The following MBD5 variants were observed in gnomAD, a reference collection of about 807,000 sequenced individuals.
MBD5 encodes methyl-CpG binding domain protein 5.
In MBD5, 13 loss-of-function variants were observed where a neutral mutation model predicts 117.3. The ratio of observed to expected loss-of-function variants is 0.11; its 90% CI spans 0.07 to 0.18. The LOEUF is 0.18. Among genes scored for constraint, MBD5 ranks in the 10% least tolerant of loss-of-function variants. The probability of loss-of-function intolerance (pLI) is 1.00; values close to 1 mark genes in which losing one functional copy is unlikely to be tolerated. For synonymous variants in MBD5, 727 were observed against 766.4 expected, an observed-to-expected ratio of 0.95 and a Z score of 0.85; for missense variants, 1,879 against 2,093.8, an observed-to-expected ratio of 0.90 and a Z score of 2.00.
At chr2:148,036,649 C>T (rs947924744) in intron 1 of MBD5, among the ~76,000 whole-genome samples, 1 of 152,012 alleles carries the variant, frequency 6.6e-6, no homozygotes, top group Non-Finnish European at 1.5e-5. Flanking sequence ...TTCTCATAGT[C>T]AGTACTCTAG....
intron 1 of MBD5, among the ~76,000 whole-genome samples, chr2:148,145,816 T>G (rs1697443922): frequency 6.6e-6 from 1 of 152,180 alleles, no homozygotes; most frequent in Non-Finnish European, 1.5e-5. Context: ...TCGTGGTGGA[T>G]AAGGTTTTTG....
Position 148,228,468 on chromosome 2 carries a change from A to C in MBD5, c.-830-4777A>C, listed in dbSNP as rs1382173238. Among the ~76,000 whole-genome samples the C allele has an allele frequency of 2.6e-5, 4 of 152,124 alleles. No homozygotes were observed. In the East Asian group the frequency reaches 7.7e-4, roughly 29 times the overall value. On this transcript the variant is annotated intron_variant, in intron 2 of 13. Coordinates refer to ENST00000642680, the MANE Select transcript of MBD5 (RefSeq NM_001378120.1). ...GCATCCCAGGGATGAAGCCCACTTG[A>C]TCATGGTGGATAAGCTTTTTGATGT...
At chr2:148,261,207 A>G (rs1379686924) in intron 3 of MBD5, among the ~76,000 whole-genome samples, 1 of 152,208 alleles carries the variant, frequency 6.6e-6, no homozygotes, top group Non-Finnish European at 1.5e-5. Context: ...CACCAACTGC[A>G]TTAGCCTCTA....
At chr2:148,484,417 C>G (rs978827601) in intron 9 of MBD5, among the ~76,000 whole-genome samples, 3 of 152,130 alleles carry the variant, frequency 2.0e-5, no homozygotes, top group African/African-American at 7.2e-5. Flanking sequence ...CCCATCACCT[C>G]TTAAACCAAG....
intron 1 of MBD5, among the ~76,000 whole-genome samples, chr2:148,058,038 C>G (rs1694918675): frequency 6.6e-6 from 1 of 151,784 alleles, no homozygotes. Flanking sequence ...TGTTTTTTAC[C>G]CTGTACATTT....
intron 3 of MBD5, among the ~76,000 whole-genome samples, chr2:148,336,091 T>C (rs936483623): frequency 1.3e-5 from 2 of 152,176 alleles, no homozygotes; most frequent in African/African-American, 2.4e-5. Flanking sequence ...CTATCAGAAA[T>C]TGCAATCAGA....
intron 4 of MBD5, among the ~76,000 whole-genome samples, chr2:148,456,902 C>A (rs1706901067): frequency 6.6e-6 from 1 of 152,078 alleles, no homozygotes; most frequent in Admixed American, 6.6e-5. Context: ...ATACGATGGC[C>A]TTTACTGCAA....
chr2:148,419,179 G>T (rs576660497), intron 4 of MBD5, among the ~76,000 whole-genome samples: 1 of 152,262 alleles, frequency 6.6e-6, no homozygotes, highest in Non-Finnish European at 1.5e-5. Flanking sequence ...ATAGCAACAT[G>T]TAGAAGAATG....
At chr2:148,026,315 G>T (rs1428556149) in intron 1 of MBD5, 2 of 152,002 alleles carry the variant, frequency 1.3e-5, no homozygotes, top group Non-Finnish European at 2.9e-5. Context: ...TAAAATTATG[G>T]CCCTGATAGC....
intron 3 of MBD5, among the ~76,000 whole-genome samples, chr2:148,319,874 G>A (rs1010470739): frequency 2.0e-5 from 3 of 152,190 alleles, no homozygotes; most frequent in Non-Finnish European, 4.4e-5. Flanking sequence ...CACCAAGTAT[G>A]ATGTTGGCTC....
chr2:148,443,530 A>G (rs1238721121), intron 4 of MBD5, among the ~76,000 whole-genome samples: 3 of 151,436 alleles, frequency 2.0e-5, no homozygotes, highest in Admixed American at 6.6e-5. Flanking sequence ...AATGTAGTAT[A>G]TATACACAAT....
intron 1 of MBD5, among the ~76,000 whole-genome samples, chr2:148,078,596 T>C (rs1695565603): frequency 6.6e-6 from 1 of 152,234 alleles, no homozygotes; most frequent in South Asian, 2.1e-4. Flanking sequence ...CTCGACCACA[T>C]AGTCCCTGCA....
rs141402086 is a variant in MBD5, at chr2:148,470,961, C to T, written c.2518+500C>T. On this transcript the variant is annotated intron_variant, in intron 8 of 13. Coordinates refer to ENST00000642680, the MANE Select transcript of MBD5 (RefSeq NM_001378120.1). ...TAGGAAAAGGTAACTAGAAGTTGTA[C>T]GAAGTAGAAGGCTGTCTTCTAATGT... is the stretch of plus-strand genomic sequence containing the variant. 134 of 153,968 alleles carry T rather than the reference C, an allele frequency of 8.7e-4. 1 individual carries two copies. The highest frequency in any genetic ancestry group is 2.8e-3 in the African/African-American group (115 of 41,526). 9.5% of individuals were successfully genotyped at this position (153,968 alleles called of 1,614,324 possible). A position where few individuals can be genotyped will look rare whatever the true frequency, so the allele number is the denominator to read the frequency against.
intron 1 of MBD5, among the ~76,000 whole-genome samples, chr2:148,052,958 G>T: frequency 8.7e-6 from 1 of 115,224 alleles, no homozygotes; most frequent in Non-Finnish European, 1.8e-5. Flanking sequence ...CCAAGAGTTC[G>T]TCTCAAAAAA....
Position 148,489,388 on chromosome 2 carries a change from G to A in MBD5, c.3756G>A (p.Val1252=). The A allele has an allele frequency of 1.2e-6, 2 of 1,614,074 alleles. No homozygotes were observed. Among genetic ancestry groups the A allele is most frequent in the South Asian group, 1.1e-5 (1 of 91,054 alleles). Residue 1252 remains valine, a splice_region_variant and synonymous_variant, in exon 11 of 14, where the codon GTG becomes GTA. Coordinates refer to ENST00000642680, the MANE Select transcript of MBD5 (RefSeq NM_001378120.1). The part of the protein sequence containing the change: ...PMACLFQNFQ[V]RMQEDAALLN... ...TGCTTCCTGTCTATTTCTTCAAGGT[G>A]AGAATGCAGGAAGATGCAGCTCTCC...
intron 4 of MBD5, among the ~76,000 whole-genome samples, chr2:148,456,661 G>C (rs1485061411): frequency 1.3e-5 from 2 of 152,100 alleles, no homozygotes; most frequent in Non-Finnish European, 2.9e-5. Context: ...CAGTGGACTG[G>C]GGCCAGTGGT....
chr2:148,032,574 A>G (rs1214631037), intron 1 of MBD5, among the ~76,000 whole-genome samples: 1 of 152,116 alleles, frequency 6.6e-6, no homozygotes, highest in Non-Finnish European at 1.5e-5. Flanking sequence ...TTAGAGCAAG[A>G]GTTTGCATGG....
intron 4 of MBD5, among the ~76,000 whole-genome samples, chr2:148,356,050 G>A (rs1294455637): frequency 2.6e-5 from 4 of 152,044 alleles, no homozygotes; most frequent in African/African-American, 9.7e-5. Flanking sequence ...CTTGTAAGTT[G>A]TATTCCTAAG....
chr2:148,081,133 G>A (rs1392469450), intron 1 of MBD5, among the ~76,000 whole-genome samples: 1 of 152,146 alleles, frequency 6.6e-6, no homozygotes, highest in Non-Finnish European at 1.5e-5. Flanking sequence ...CAGGGTGCTA[G>A]GCAATCTTCA....
Sources: allele counts gnomAD v4.1 joint callset (sites outside exome capture counted in the v4.1 genomes callset), GRCh38; gene constraint gnomAD v4.1.1; transcripts MANE v1.5; gene names NCBI Gene and HGNC (gene_info 2026-07-23, HGNC 2026-07-21).